The following RBM18 variants were observed in gnomAD, a reference collection of about 807,000 sequenced individuals.
The protein encoded by RBM18 is probable RNA-binding protein 18.
In RBM18, 18 loss-of-function variants were observed where a neutral mutation model predicts 26.4. That is an observed-to-expected ratio of 0.68 (90% CI 0.47 to 1.01). The LOEUF is 1.01. Among genes scored for constraint, RBM18 ranks in the 50% least tolerant of loss-of-function variants. The probability of loss-of-function intolerance (pLI) is 0.00; values close to 1 mark genes in which losing one functional copy is unlikely to be tolerated. For missense variants in RBM18, 180 were observed against 219.2 expected (o/e 0.82, Z 1.13); for synonymous variants, 74 against 81.1 (o/e 0.91, Z 0.47).
intron 5 of RBM18, 34 bp downstream of exon 5, chr9:122,245,222 A>C: frequency 8.0e-7 from 1 of 1,251,310 alleles, no homozygotes; most frequent in Non-Finnish European, 1.2e-6. Context: ...GAAGCTCCTG[A>C]ATTACTGTGT....
chr9:122,251,778 A>G, intron 3 of RBM18, 69 bp downstream of exon 3: 3 of 1,473,046 alleles, frequency 2.0e-6, no homozygotes, highest in Non-Finnish European at 2.8e-6. Context: ...TCTAGTAGGC[A>G]AGAGACATGC....
intron 3 of RBM18, among the ~76,000 whole-genome samples, chr9:122,248,840 T>C (rs1377872878): frequency 2.6e-5 from 4 of 152,230 alleles, no homozygotes; most frequent in Admixed American, 2.6e-4. Context: ...TAGAAGCCAG[T>C]TGGCATTCCA....
intron 2 of RBM18, among the ~76,000 whole-genome samples, chr9:122,255,431 T>G (rs1028396196): frequency 6.6e-6 from 1 of 152,200 alleles, no homozygotes; most frequent in Non-Finnish European, 1.5e-5. Flanking sequence ...AGTTTATCCC[T>G]GAAAGTCTGT....
At position 122,245,274 on chromosome 9, in the gene RBM18, G is replaced by C. The variant is rs1266756786; in HGVS notation, c.395C>G (p.Pro132Arg). ...ATCTTACCTTAGGTTAGACTGAGTA[G>C]GCTCAGTGCTTGAGGATGGCTCGAG... ...ISLEPSSSTE[P>R]TQSNLSVTAK... Residue 132 changes from proline (P) to arginine (R), a missense_variant, in exon 5 of 6, where the codon CCT becomes CGT. Pro to Arg is a moderately radical substitution (Grantham distance 103). Around this residue, in one of 3 missense-constraint regions of RBM18, gnomAD observed 103 missense variants for 102.8 expected, o/e 1.00. Transcript: ENST00000417201. 6.3e-7 allele frequency: 1 copy of C among 1,598,704 alleles called. No homozygotes were observed. The highest frequency in any genetic ancestry group is 8.6e-7 in the Non-Finnish European group (1 of 1,166,012).
rs1317973139 is a variant in RBM18 at position 122,238,500 on chromosome 9, T to A, written c.*3384A>T. On this transcript the variant is annotated 3_prime_UTR_variant, in exon 6 of 6. Coordinates refer to ENST00000417201, the MANE Select transcript of RBM18 (RefSeq NM_033117.4). ...GGTGAGAGAGCGGGCTCTGCGGCTATCTGGAGAAAGAGCGTTCTAAGCTAA... is the reference window on the plus strand; with the variant it reads ...GGTGAGAGAGCGGGCTCTGCGGCTAACTGGAGAAAGAGCGTTCTAAGCTAA... The A allele has an allele frequency of 2.0e-5, 3 of 152,276 alleles. No homozygotes were observed. Among genetic ancestry groups the A allele is most frequent in the Non-Finnish European group, 2.9e-5 (2 of 68,018 alleles). The allele number at this position is 152,276 out of a possible 1,614,324, so 9.4% of individuals were successfully genotyped here.
chr9:122,243,860 T>C, intron 5 of RBM18: 1 of 985,286 alleles, frequency 1.0e-6, no homozygotes, highest in Non-Finnish European at 1.2e-6. Flanking sequence ...AGATGTAAGC[T>C]GAGGTCCTCT....
intron 3 of RBM18, among the ~76,000 whole-genome samples, chr9:122,248,479 C>T (rs1356410281): frequency 1.3e-5 from 2 of 152,124 alleles, no homozygotes; most frequent in East Asian, 1.9e-4. Flanking sequence ...CTTTAAAGGG[C>T]ATGGGAGTCA....
intron 1 of RBM18, among the ~76,000 whole-genome samples, chr9:122,262,787 G>T (rs1338280223): frequency 6.6e-6 from 1 of 152,032 alleles, no homozygotes; most frequent in African/African-American, 2.4e-5. Context: ...GTTTCACTAT[G>T]TTGGCCAGGC....
chr9:122,243,595 A>AT (rs34839967), intron 5 of RBM18: 2 of 446,052 alleles, frequency 4.5e-6, no homozygotes, highest in Non-Finnish European at 3.0e-6. Context: ...GGCTACCTTC[A>AT]TTTTCCATTC....
chr9:122,260,304 C>T (rs149886729), intron 2 of RBM18, among the ~76,000 whole-genome samples: 33 of 152,202 alleles, frequency 2.2e-4, no homozygotes, highest in African/African-American at 7.5e-4. Flanking sequence ...CAAGATTGTG[C>T]AACTACACTC....
intron 5 of RBM18, among the ~76,000 whole-genome samples, chr9:122,243,074 C>T (rs938536319): frequency 3.9e-5 from 6 of 152,102 alleles, no homozygotes; most frequent in Non-Finnish European, 5.9e-5. Flanking sequence ...GTGATCCGTC[C>T]GCCTTGACCT....
rs547219585 is a variant in RBM18 at position 122,252,169 on chromosome 9, A to T, written c.114-196T>A. Reference sequence around the variant, plus strand: ...TGCCTCTATTTGGTATGGGAACTAGAATTGTCATGGCTATGCATCTGTCCA... The same window carrying T: ...TGCCTCTATTTGGTATGGGAACTAGTATTGTCATGGCTATGCATCTGTCCA... On this transcript the variant is annotated intron_variant, in intron 2 of 5. Coordinates refer to ENST00000417201, the MANE Select transcript of RBM18 (RefSeq NM_033117.4). 4.1e-4 allele frequency among the ~76,000 whole-genome samples: 62 copies of T among 152,332 alleles called. 1 individual carries two copies. The highest frequency in any genetic ancestry group is 1.0e-3 in the Admixed American group (16 of 15,294).
chr9:122,256,969 T>C (rs1320521625), intron 2 of RBM18, among the ~76,000 whole-genome samples: 1 of 152,228 alleles, frequency 6.6e-6, no homozygotes, highest in Non-Finnish European at 1.5e-5. Context: ...TGGAATCTGC[T>C]AATTCCATAA....
At chr9:122,245,053 A>T (rs965533186) in intron 5 of RBM18, among the ~76,000 whole-genome samples, 1 of 152,216 alleles carries the variant, frequency 6.6e-6, no homozygotes, top group Non-Finnish European at 1.5e-5. Flanking sequence ...CGAGGGAATG[A>T]TTCTGTAAAT....
At chr9:122,247,022 C>T (rs1475871222) in intron 4 of RBM18, among the ~76,000 whole-genome samples, 3 of 152,090 alleles carry the variant, frequency 2.0e-5, no homozygotes, top group African/African-American at 4.8e-5. Context: ...ACAGACACTG[C>T]AAAGTCCCAC....
At chr9:122,248,077 G>C (rs79390668) in intron 3 of RBM18, among the ~76,000 whole-genome samples, 1 of 152,066 alleles carries the variant, frequency 6.6e-6, no homozygotes, top group Non-Finnish European at 1.5e-5. Flanking sequence ...GAGCTACTGC[G>C]CCTGGCTAAG....
chr9:122,244,178 C>T (rs955882678), intron 5 of RBM18, among the ~76,000 whole-genome samples: 11 of 151,966 alleles, frequency 7.2e-5, no homozygotes, highest in Non-Finnish European at 1.2e-4. Flanking sequence ...AAATGAATAA[C>T]TATAGAATGA....
chr9:122,263,695 G>T (rs1391314848), intron 1 of RBM18, among the ~76,000 whole-genome samples: 3 of 152,234 alleles, frequency 2.0e-5, no homozygotes, highest in African/African-American at 4.8e-5. Flanking sequence ...TGGAGGGAAG[G>T]CCTCTCTAAA....
chr9:122,261,552 T>C, intron 1 of RBM18, 44 bp from the exon 2 acceptor site: 1 of 1,222,056 alleles, frequency 8.2e-7, no homozygotes, highest in Non-Finnish European at 1.2e-6. Flanking sequence ...AGTAACAATG[T>C]GTGAACACAA....
Sources: gnomAD v4.1 joint callset for allele counts (sites outside exome capture counted in the v4.1 genomes callset) on GRCh38, gnomAD v4.1.1 for gene constraint, gnomAD v4.1.1 regional missense constraint, MANE v1.5 for transcripts, NCBI Gene and HGNC (gene_info 2026-07-23, HGNC 2026-07-21) for gene names.